Variants in SLC25A21 observed in about 807,000 individuals in gnomAD.
SLC25A21 encodes solute carrier family 25 member 21.
SLC25A21 carries 47 observed loss-of-function variants against 43.8 expected under a neutral mutation model. The ratio of observed to expected loss-of-function variants is 1.07; its 90% confidence interval spans 0.85 to 1.37. SLC25A21 has a LOEUF of 1.37. SLC25A21 is among the 40% of genes most tolerant of loss of function. The pLI, the probability that SLC25A21 is intolerant of heterozygous loss-of-function variation, is 0.00. For missense variants in SLC25A21, 352 were observed against 350.2 expected (o/e 1.00, Z -0.04); for synonymous variants, 131 against 121.3 (o/e 1.08, Z -0.52).
At position 36,717,457 on chromosome 14, in the gene SLC25A21, C is replaced by G. The variant is rs80145499; in HGVS notation, c.439-5975G>C. Among the ~76,000 whole-genome samples, 151 of 152,246 alleles carry G rather than the reference C, an allele frequency of 9.9e-4. 4 individuals are homozygous for G. In the East Asian group the frequency reaches 0.027, roughly 27 times the overall value. ...TGGAGAAGAATTTGCTGTCAAAAAC[C>G]CCTCCCAGATACCGAACCACAAAGC... On this transcript the variant is annotated intron_variant, in intron 6 of 9. Coordinates refer to ENST00000331299, the MANE Select transcript of SLC25A21 (RefSeq NM_030631.4).
chr14:36,928,711 C>A (rs1892202225), intron 1 of SLC25A21, among the ~76,000 whole-genome samples: 2 of 152,280 alleles, frequency 1.3e-5, no homozygotes, highest in African/African-American at 4.8e-5. Flanking sequence ...GTTTTCAAAT[C>A]CGTGACTCTC....
chr14:36,920,352 AT>A (rs1891947774), intron 1 of SLC25A21, among the ~76,000 whole-genome samples: 1 of 152,102 alleles, frequency 6.6e-6, no homozygotes, highest in South Asian at 2.1e-4. Context: ...ATTTTTAAGC[AT>A]ATAGATTCAA....
At chr14:37,135,571 G>T (rs909007937) in intron 1 of SLC25A21, among the ~76,000 whole-genome samples, 4 of 152,102 alleles carry the variant, frequency 2.6e-5, no homozygotes, top group Non-Finnish European at 4.4e-5. Context: ...TCTTGCCCTT[G>T]GCAAATTTAC....
At chr14:36,955,900 C>T (rs1264255307) in intron 1 of SLC25A21, among the ~76,000 whole-genome samples, 2 of 152,162 alleles carry the variant, frequency 1.3e-5, no homozygotes, top group African/African-American at 4.8e-5. Flanking sequence ...TGGTCCTACC[C>T]TTTGGTGCTG....
At chr14:37,119,560 A>AG (rs1458507633) in intron 1 of SLC25A21, among the ~76,000 whole-genome samples, 1 of 45,530 alleles carries the variant, frequency 2.2e-5, no homozygotes, top group African/African-American at 3.7e-5. Flanking sequence ...CCATAAAAAA[A>AG]AAGAAAAAAG....
chr14:36,788,733 T>A (rs1330432350), intron 3 of SLC25A21: 1 of 151,998 alleles, frequency 6.6e-6, no homozygotes. Context: ...ATATTGAAAG[T>A]CTGTGCTTTG....
chr14:37,104,127 A>C (rs1002908262), intron 1 of SLC25A21, among the ~76,000 whole-genome samples: 1 of 152,218 alleles, frequency 6.6e-6, no homozygotes, highest in Non-Finnish European at 1.5e-5. Flanking sequence ...GAAATGGTTT[A>C]ATTCTGCTAC....
At chr14:36,711,659 T>C (rs1343872312) in intron 6 of SLC25A21, among the ~76,000 whole-genome samples, 177 bp from the exon 7 acceptor site, 1 of 152,164 alleles carries the variant, frequency 6.6e-6, no homozygotes, top group Middle Eastern at 3.2e-3. Context: ...GCAAACAAAA[T>C]TGCATGCATA....
intron 1 of SLC25A21, among the ~76,000 whole-genome samples, chr14:36,989,920 G>A (rs1960227980): frequency 1.3e-5 from 2 of 152,078 alleles, no homozygotes; most frequent in South Asian, 4.1e-4. Flanking sequence ...GAGCAAGAAA[G>A]AGAGACCAAG....
intron 1 of SLC25A21, among the ~76,000 whole-genome samples, chr14:36,952,980 C>T (rs1317013494): frequency 6.6e-6 from 1 of 152,180 alleles, no homozygotes; most frequent in East Asian, 1.9e-4. Context: ...TCTCTGGATC[C>T]TTCAGTGGTG....
intron 1 of SLC25A21, among the ~76,000 whole-genome samples, chr14:37,069,187 A>C (rs1962123853): frequency 6.6e-6 from 1 of 152,164 alleles, no homozygotes; most frequent in African/African-American, 2.4e-5. Context: ...AAAGAAAAAA[A>C]AAAAACTTAA....
At chr14:36,695,465 G>C (rs1882975712) in intron 7 of SLC25A21, among the ~76,000 whole-genome samples, 1 of 152,224 alleles carries the variant, frequency 6.6e-6, no homozygotes, top group Non-Finnish European at 1.5e-5. Context: ...TCGGTAGCTT[G>C]ATGGGGATGG....
intron 1 of SLC25A21, among the ~76,000 whole-genome samples, chr14:36,990,179 G>A (rs1960232845): frequency 6.6e-6 from 1 of 152,162 alleles, no homozygotes; most frequent in Non-Finnish European, 1.5e-5. Context: ...ATTCCAGGCT[G>A]GAAAGGAAAA....
chr14:36,782,273 C>T (rs190913911), intron 3 of SLC25A21, among the ~76,000 whole-genome samples: 57 of 152,248 alleles, frequency 3.7e-4, no homozygotes, highest in African/African-American at 1.3e-3. Flanking sequence ...CCACATCTTG[C>T]CCAATATTTG....
At chr14:37,129,919 TG>T (rs577753886) in intron 1 of SLC25A21, among the ~76,000 whole-genome samples, 113 of 152,148 alleles carry the variant, frequency 7.4e-4, no homozygotes, top group African/African-American at 2.5e-3. Context: ...GAGAATTATT[TG>T]AATAATTTTT....
At chr14:36,894,709 T>A (rs1891186151) in intron 1 of SLC25A21, among the ~76,000 whole-genome samples, 1 of 152,112 alleles carries the variant, frequency 6.6e-6, no homozygotes, top group African/African-American at 2.4e-5. Flanking sequence ...TTTGAGATAC[T>A]TCCCATCAAT....
chr14:36,700,339 C>T (rs965498523), intron 7 of SLC25A21, among the ~76,000 whole-genome samples: 1 of 152,148 alleles, frequency 6.6e-6, no homozygotes, highest in Non-Finnish European at 1.5e-5. Context: ...ATGCTTGATC[C>T]TAGTGTACTC....
chr14:36,837,919 G>C (rs1361468857), intron 2 of SLC25A21, among the ~76,000 whole-genome samples: 1 of 152,200 alleles, frequency 6.6e-6, no homozygotes, highest in Non-Finnish European at 1.5e-5. Flanking sequence ...CGGGACAGCA[G>C]GGTCTGAAGA....
intron 1 of SLC25A21, among the ~76,000 whole-genome samples, chr14:37,106,479 T>C (rs1594796061): frequency 6.6e-6 from 1 of 151,994 alleles, no homozygotes; most frequent in East Asian, 1.9e-4. Flanking sequence ...CTTACTAAGG[T>C]GGGGAAAAAC....
Sources: gnomAD v4.1 joint callset for allele counts (sites outside exome capture counted in the v4.1 genomes callset) on GRCh38, gnomAD v4.1.1 for gene constraint, MANE v1.5 for transcripts, NCBI Gene and HGNC (gene_info 2026-07-23, HGNC 2026-07-21) for gene names.